Variants in CNTN3 observed in about 807,000 individuals in gnomAD.
The protein encoded by CNTN3 is contactin-3.
CNTN3 carries 60 observed loss-of-function variants against 119.1 expected under a neutral mutation model. The ratio of observed to expected loss-of-function variants is 0.50; its 90% CI spans 0.41 to 0.62. The LOEUF is 0.62. Ranked by LOEUF, CNTN3 falls within the 20% of genes least tolerant of loss-of-function variation. CNTN3 has a pLI of 0.00. For synonymous variants in CNTN3, 450 were observed against 438.7 expected (o/e 1.03, Z -0.32); for missense variants, 1,101 against 1,242.4 (o/e 0.89, Z 1.71).
chr3:74,406,983 A>G (rs1308084783), intron 5 of CNTN3, among the ~76,000 whole-genome samples: 1 of 152,212 alleles, frequency 6.6e-6, no homozygotes, highest in South Asian at 2.1e-4. Context: ...ATAAAAAGGA[A>G]TAAAAGAAAA....
rs188829245 is a variant in CNTN3, at chr3:74,263,352, C to T, written c.*1049G>A. ...TCATTAAAAAACCATCTCTGCCATC[C>T]AAAAAGAGAGGGTCCCTTAATGGAA... On this transcript the variant is annotated 3_prime_UTR_variant, in exon 23 of 23. Transcript: ENST00000263665. 1 of 151,864 alleles carries T rather than the reference C, an allele frequency of 6.6e-6. No homozygotes were observed. Among genetic ancestry groups the T allele is most frequent in the East Asian group, 1.9e-4 (1 of 5,178 alleles). The allele number at this position is 151,864 out of a possible 1,614,324, so 9.4% of individuals were successfully genotyped here.
chr3:74,336,768 T>C, intron 11 of CNTN3, 110 bp from the exon 12 acceptor site: 3 of 825,870 alleles, frequency 3.6e-6, no homozygotes, highest in South Asian at 2.4e-5. Flanking sequence ...TTTTAAGGCA[T>C]GATCAACCAG....
At chr3:74,545,037 TTG>T (rs1703895250) in intron 1 of CNTN3, among the ~76,000 whole-genome samples, 1 of 152,158 alleles carries the variant, frequency 6.6e-6, no homozygotes, top group South Asian at 2.1e-4. Flanking sequence ...CTAGGGATGG[TTG>T]TTGGAGTTCA....
At chr3:74,430,614 T>C (rs1345142311) in intron 4 of CNTN3, among the ~76,000 whole-genome samples, 1 of 151,910 alleles carries the variant, frequency 6.6e-6, no homozygotes, top group Non-Finnish European at 1.5e-5. Context: ...AGTAAACTAG[T>C]GGTTGCCAAT....
chr3:74,594,089 G>A (rs147252119), intron 1 of CNTN3, among the ~76,000 whole-genome samples: 14 of 151,816 alleles, frequency 9.2e-5, no homozygotes, highest in African/African-American at 1.4e-4. Context: ...ATGGGGATGC[G>A]CTGAGAAGGG....
intron 1 of CNTN3, among the ~76,000 whole-genome samples, chr3:74,591,823 C>T (rs759673053): frequency 6.6e-6 from 1 of 151,844 alleles, no homozygotes; most frequent in Middle Eastern, 3.2e-3. Context: ...AAGAGCGAGA[C>T]ATTCAGATGG....
chr3:74,613,652 C>T (rs1468093219), intron 1 of CNTN3, among the ~76,000 whole-genome samples: 1 of 152,194 alleles, frequency 6.6e-6, no homozygotes, highest in Non-Finnish European at 1.5e-5. Flanking sequence ...AGAAGCTGTT[C>T]GTTCATTTCA....
intron 19 of CNTN3, among the ~76,000 whole-genome samples, chr3:74,290,330 C>T (rs915081715): frequency 3.9e-5 from 6 of 152,140 alleles, no homozygotes; most frequent in Non-Finnish European, 5.9e-5. Context: ...TATATTCAAA[C>T]ATACATAAAC....
At chr3:74,467,660 T>C (rs1376632206) in intron 4 of CNTN3, among the ~76,000 whole-genome samples, 1 of 152,148 alleles carries the variant, frequency 6.6e-6, no homozygotes, top group Non-Finnish European at 1.5e-5. Context: ...TTGAGTTCAA[T>C]TCTAGCCTTT....
At chr3:74,444,434 G>A (rs926449226) in intron 4 of CNTN3, among the ~76,000 whole-genome samples, 1 of 152,076 alleles carries the variant, frequency 6.6e-6, no homozygotes, top group Admixed American at 6.6e-5. Flanking sequence ...ATTTCAGAGG[G>A]CCTGAGCAGT....
At chr3:74,460,772 C>CATATATAT (rs71129755) in intron 4 of CNTN3, among the ~76,000 whole-genome samples, 4 of 89,510 alleles carry the variant, frequency 4.5e-5, no homozygotes, top group Non-Finnish European at 9.0e-5. Context: ...TTCTTATTTT[C>CATATATAT]ATATATATAT....
At chr3:74,400,844 A>G (rs1705172304) in intron 5 of CNTN3, among the ~76,000 whole-genome samples, 1 of 152,326 alleles carries the variant, frequency 6.6e-6, no homozygotes, top group Middle Eastern at 3.4e-3. Context: ...GACTCCAGCA[A>G]TAACTACAAG....
intron 13 of CNTN3, 47 bp downstream of exon 13, chr3:74,334,688 A>C (rs1211862374): frequency 2.0e-6 from 3 of 1,517,200 alleles, no homozygotes; most frequent in Non-Finnish European, 2.7e-6. Context: ...GCAATGTGCC[A>C]GAGACACATG....
chr3:74,298,209 A>G lies in CNTN3; in HGVS notation c.2167-18T>C. On this transcript the variant is annotated intron_variant, in intron 17 of 22. Transcript: ENST00000263665. ...GGGACTGGCTATAAAGGAAAGACAT[A>G]CTGAATCACCCTTACACATAAGGGC... 1 of 1,521,318 alleles carries G rather than the reference A, an allele frequency of 6.6e-7. No individual in the cohort carries two copies. Among genetic ancestry groups the G allele is most frequent in the Non-Finnish European group, 8.9e-7 (1 of 1,121,766 alleles). The allele number at this position is 1,521,318 out of a possible 1,614,324, so 94.2% of individuals were successfully genotyped here.
At chr3:74,375,738 G>C (rs898643400) in intron 5 of CNTN3, among the ~76,000 whole-genome samples, 1 of 152,194 alleles carries the variant, frequency 6.6e-6, no homozygotes, top group Non-Finnish European at 1.5e-5. Context: ...CAGAAAGGCA[G>C]AAAAACAGAT....
At chr3:74,419,459 T>C (rs543378425) in intron 5 of CNTN3, among the ~76,000 whole-genome samples, 1 of 152,340 alleles carries the variant, frequency 6.6e-6, no homozygotes, top group South Asian at 2.1e-4. Context: ...GGCATGTTGC[T>C]AACAGTTCTC....
intron 1 of CNTN3, among the ~76,000 whole-genome samples, chr3:74,600,238 G>A (rs1704887664): frequency 6.6e-6 from 1 of 152,004 alleles, no homozygotes; most frequent in Non-Finnish European, 1.5e-5. Context: ...AAGACGTCCT[G>A]AAAAGCAAAC....
intron 5 of CNTN3, among the ~76,000 whole-genome samples, chr3:74,417,785 T>C (rs1045898520): frequency 3.9e-5 from 6 of 152,216 alleles, no homozygotes; most frequent in African/African-American, 1.2e-4. Context: ...ATTCAGAACA[T>C]ACTTGTCTTA....
chr3:74,421,648 T>C (rs1345803066), intron 5 of CNTN3, among the ~76,000 whole-genome samples: 1 of 151,920 alleles, frequency 6.6e-6, no homozygotes, highest in African/African-American at 2.4e-5. Flanking sequence ...GTGAAGTGAA[T>C]ATAGCTAACA....
Sources: allele counts gnomAD v4.1 joint callset (sites outside exome capture counted in the v4.1 genomes callset), GRCh38; gene constraint gnomAD v4.1.1; transcripts MANE v1.5; gene names NCBI Gene and HGNC (gene_info 2026-07-23, HGNC 2026-07-21).